Variants in EPB41L3 observed in about 807,000 individuals in gnomAD.
EPB41L3 encodes erythrocyte membrane protein band 4.1 like 3.
In EPB41L3, 57 loss-of-function variants were observed where a neutral mutation model predicts 127.1. The ratio of observed to expected loss-of-function variants is 0.45; its 90% CI spans 0.36 to 0.56. The LOEUF (loss-of-function observed/expected upper bound fraction) is 0.56. Among genes scored for constraint, EPB41L3 ranks in the 20% least tolerant of loss-of-function variants. The pLI is 0.00. For synonymous variants in EPB41L3, 572 were observed against 549.5 expected (o/e 1.04, Z -0.57); for missense variants, 1,273 against 1,372.2 (o/e 0.93, Z 1.14).
intron 3 of EPB41L3, among the ~76,000 whole-genome samples, chr18:5,606,253 A>C (rs987948606): frequency 6.6e-6 from 1 of 152,202 alleles, no homozygotes; most frequent in Non-Finnish European, 1.5e-5. Flanking sequence ...GCAGCAACAC[A>C]GACATTTTGG....
chr18:5,537,846 A>AT (rs1432421899), intron 1 of EPB41L3, among the ~76,000 whole-genome samples: 8 of 152,200 alleles, frequency 5.3e-5, no homozygotes, highest in Non-Finnish European at 7.3e-5. Flanking sequence ...TTTTCAATAG[A>AT]TTTTCCCTAT....
intron 3 of EPB41L3, among the ~76,000 whole-genome samples, chr18:5,559,841 A>G (rs1485367525): frequency 6.6e-6 from 1 of 152,244 alleles, no homozygotes; most frequent in Admixed American, 6.5e-5. Flanking sequence ...CATCTACCAC[A>G]TAATTGACAG....
intron 3 of EPB41L3, among the ~76,000 whole-genome samples, chr18:5,446,251 A>G (rs538902890): frequency 1.3e-5 from 2 of 152,320 alleles, no homozygotes; most frequent in South Asian, 2.1e-4. Flanking sequence ...TTCAGTTTAA[A>G]GAATACTTGA....
chr18:5,479,842 A>G (rs558161800), intron 2 of EPB41L3: 18 of 152,198 alleles, frequency 1.2e-4, no homozygotes, highest in Admixed American at 7.9e-4. Flanking sequence ...TTTCTATAGC[A>G]AAGTATTAAA....
chr18:5,487,451 C>T (rs1166845155), intron 2 of EPB41L3, among the ~76,000 whole-genome samples: 1 of 150,014 alleles, frequency 6.7e-6, no homozygotes, highest in Non-Finnish European at 1.5e-5. Context: ...CTGAACTGTA[C>T]ACTTAAAAAA....
In EPB41L3 at chr18:5,395,695, T is replaced by C; in HGVS notation, c.2986A>G (p.Thr996Ala). The change falls in exon 20 of 23, where the codon ACA becomes GCA. Residue 996 changes from threonine (T) to alanine (A), a missense_variant. Thr to Ala is a moderately conservative substitution (Grantham distance 58, BLOSUM62 0). Coordinates refer to ENST00000341928, the MANE Select transcript of EPB41L3 (RefSeq NM_012307.5). Reference protein sequence around the residue: ...TYESSQVDPGTDLEPGVLMSA... With the variant: ...TYESSQVDPGADLEPGVLMSA... ...ATCAGCACGCCTGGCTCCAGATCTGTGCCTGGATCGACCTAAAGCAGCAGA... is the reference window on the plus strand; with the variant it reads ...ATCAGCACGCCTGGCTCCAGATCTGCGCCTGGATCGACCTAAAGCAGCAGA... 6.2e-7 allele frequency: 1 copy of C among 1,614,190 alleles called. No individual in the cohort carries two copies. Among genetic ancestry groups the C allele is most frequent in the Non-Finnish European group, 8.5e-7 (1 of 1,179,990 alleles).
At chr18:5,520,834 T>C (rs2092960999) in intron 1 of EPB41L3, among the ~76,000 whole-genome samples, 1 of 152,206 alleles carries the variant, frequency 6.6e-6, no homozygotes, top group East Asian at 1.9e-4. Context: ...CTGAATAAGA[T>C]AACTTCCAAA....
At chr18:5,470,988 C>G (rs1279072214) in intron 3 of EPB41L3, among the ~76,000 whole-genome samples, 4 of 152,112 alleles carry the variant, frequency 2.6e-5, no homozygotes, top group African/African-American at 4.8e-5. Context: ...CCTTTTCTCC[C>G]TGAGGTTAGA....
At position 5,395,789 on chromosome 18, in the gene EPB41L3, C is replaced by A. The variant is rs747200953; in HGVS notation, c.2974-82G>T. ...GTTGGCTACGTTATTTAAGGCATTA[C>A]GACAATTTCACTATCTCCTATTATG... On this transcript the variant is annotated intron_variant, in intron 19 of 22. Transcript: ENST00000341928. 7 of 1,052,562 alleles carry A rather than the reference C, an allele frequency of 6.7e-6. No individual in the cohort carries two copies. In the East Asian group the frequency reaches 9.5e-5, roughly 14 times the overall value. The allele number at this position is 1,052,562 out of a possible 1,614,324, so 65.2% of individuals were successfully genotyped here. A position where few individuals can be genotyped will look rare whatever the true frequency, so the allele number is the denominator to read the frequency against.
At chr18:5,604,747 C>T (rs2094630699) in intron 3 of EPB41L3, among the ~76,000 whole-genome samples, 1 of 152,134 alleles carries the variant, frequency 6.6e-6, no homozygotes, top group African/African-American at 2.4e-5. Context: ...AGCTACTGTG[C>T]CCGGCCTTAA....
intron 3 of EPB41L3, among the ~76,000 whole-genome samples, chr18:5,603,992 C>T (rs746363505): frequency 2.0e-5 from 3 of 151,902 alleles, no homozygotes; most frequent in Non-Finnish European, 4.4e-5. Context: ...TTGATATCTC[C>T]TTCCAGAAGT....
At chr18:5,537,134 G>A (rs1201327136) in intron 1 of EPB41L3, among the ~76,000 whole-genome samples, 2 of 152,152 alleles carry the variant, frequency 1.3e-5, no homozygotes, top group African/African-American at 2.4e-5. Flanking sequence ...GCAAGGCCGA[G>A]AGCCCAACCC....
At chr18:5,449,412 C>A (rs1291505107) in intron 3 of EPB41L3, among the ~76,000 whole-genome samples, 1 of 152,204 alleles carries the variant, frequency 6.6e-6, no homozygotes, top group African/African-American at 2.4e-5. Context: ...CCACTCAAGA[C>A]AGTTTGGCAG....
chr18:5,569,692 GCCT>G (rs2094252774), intron 3 of EPB41L3, among the ~76,000 whole-genome samples: 1 of 152,168 alleles, frequency 6.6e-6, no homozygotes, highest in African/African-American at 2.4e-5. Flanking sequence ...ACTTCTCCAT[GCCT>G]TCAGGTGGGT....
At chr18:5,546,156 G>A (rs2093877809), upstream of EPB41L3, among the ~76,000 whole-genome samples, 1 of 152,026 alleles carries the variant, frequency 6.6e-6, no homozygotes. Context: ...TAATCTTTGT[G>A]GTGATGAAAA....
chr18:5,531,731 CAAAAAAA>C (rs57625472), intron 1 of EPB41L3, among the ~76,000 whole-genome samples: 2 of 67,836 alleles, frequency 2.9e-5, no homozygotes, highest in African/African-American at 9.7e-5. Context: ...GACCCTGTCT[CAAAAAAA>C]AAAAAAAAAA....
chr18:5,418,261 A>C (rs978801623), intron 12 of EPB41L3, among the ~76,000 whole-genome samples: 1 of 152,196 alleles, frequency 6.6e-6, no homozygotes, highest in Non-Finnish European at 1.5e-5. Context: ...GTCTTTTCCC[A>C]CATCACAAAT....
intron 1 of EPB41L3, among the ~76,000 whole-genome samples, chr18:5,536,290 A>G (rs1480376538): frequency 6.6e-6 from 1 of 151,408 alleles, no homozygotes; most frequent in African/African-American, 2.4e-5. Flanking sequence ...CCTGATGTGT[A>G]TATTAGAAGA....
chr18:5,593,759 T>G (rs1050097785), intron 3 of EPB41L3, among the ~76,000 whole-genome samples: 29 of 152,226 alleles, frequency 1.9e-4, no homozygotes, highest in Admixed American at 3.3e-4. Flanking sequence ...AAGGGGGCCA[T>G]TTTAGAGGCC....
Sources: allele counts gnomAD v4.1 joint callset (sites outside exome capture counted in the v4.1 genomes callset), GRCh38; gene constraint gnomAD v4.1.1; transcripts MANE v1.5; gene names NCBI Gene and HGNC (gene_info 2026-07-23, HGNC 2026-07-21).